The following TXNDC16 variants were observed in gnomAD, a reference collection of about 807,000 sequenced individuals.
TXNDC16 encodes thioredoxin domain containing 16.
TXNDC16 carries 74 observed loss-of-function variants against 85.6 expected under a neutral mutation model. That is an observed-to-expected ratio of 0.86 (90% CI 0.72 to 1.05). The LOEUF is 1.05. TXNDC16 is among the 50% of genes least tolerant of loss of function. TXNDC16 has a pLI of 0.00. For synonymous variants in TXNDC16, 335 were observed against 326.5 expected (o/e 1.03, Z -0.28); for missense variants, 959 against 947.0 (o/e 1.01, Z -0.17).
intron 16 of TXNDC16, among the ~76,000 whole-genome samples, chr14:52,468,334 GA>G (rs1357452061): frequency 6.6e-6 from 1 of 151,864 alleles, no homozygotes; most frequent in African/African-American, 2.4e-5. Flanking sequence ...ATTAAAGCAA[GA>G]AAAAATACAG....
intron 16 of TXNDC16, chr14:52,462,997 G>A (rs1472308131): frequency 2.2e-6 from 1 of 455,592 alleles, no homozygotes; most frequent in Non-Finnish European, 4.4e-6. Context: ...AAGAAACAAA[G>A]GGGATAGAAC....
At chr14:52,480,971 A>ATATGTG (rs2036133792) in intron 14 of TXNDC16, among the ~76,000 whole-genome samples, 1 of 93,550 alleles carries the variant, frequency 1.1e-5, no homozygotes, top group African/African-American at 4.5e-5. Flanking sequence ...GTATATATAT[A>ATATGTG]TATGTATATA....
intron 16 of TXNDC16, among the ~76,000 whole-genome samples, chr14:52,466,368 G>A (rs1220404166): frequency 8.3e-6 from 1 of 120,186 alleles, no homozygotes; most frequent in Non-Finnish European, 1.6e-5. Flanking sequence ...ACTCCAACCC[G>A]GATGACAGAA....
intron 14 of TXNDC16, among the ~76,000 whole-genome samples, chr14:52,475,128 C>T (rs191806012): frequency 2.0e-5 from 3 of 152,230 alleles, no homozygotes; most frequent in East Asian, 3.9e-4. Context: ...TGAGCGAAAG[C>T]GAAATACACG....
chr14:52,536,309 T>C (rs2037699337), intron 6 of TXNDC16, among the ~76,000 whole-genome samples: 1 of 152,220 alleles, frequency 6.6e-6, no homozygotes, highest in Non-Finnish European at 1.5e-5. Context: ...ACTTTGATCT[T>C]GGACGTCCCA....
At chr14:52,438,425 G>A (rs1490650322) in intron 20 of TXNDC16, among the ~76,000 whole-genome samples, 1 of 152,164 alleles carries the variant, frequency 6.6e-6, no homozygotes, top group Non-Finnish European at 1.5e-5. Context: ...GCAGCCATCA[G>A]CACAGAGACA....
intron 9 of TXNDC16, among the ~76,000 whole-genome samples, chr14:52,494,382 C>T (rs1346265721): frequency 6.6e-6 from 1 of 152,098 alleles, no homozygotes; most frequent in East Asian, 1.9e-4. Flanking sequence ...TGTGAGAGGG[C>T]CATGTGGCAA....
At chr14:52,462,592 A>G (rs1282348897) in intron 16 of TXNDC16, among the ~76,000 whole-genome samples, 1 of 152,214 alleles carries the variant, frequency 6.6e-6, no homozygotes, top group East Asian at 1.9e-4. Flanking sequence ...AAATGCTGGG[A>G]TTATAGGCAT....
intron 9 of TXNDC16, among the ~76,000 whole-genome samples, chr14:52,502,567 A>C (rs2036684069): frequency 6.6e-6 from 1 of 152,222 alleles, no homozygotes. Flanking sequence ...TTGGTTTTTT[A>C]ATTTCAAAAC....
chr14:52,532,567 G>C (rs1032090216), intron 6 of TXNDC16, among the ~76,000 whole-genome samples: 3 of 151,934 alleles, frequency 2.0e-5, no homozygotes, highest in Admixed American at 6.6e-5. Context: ...CTTCCGAGTA[G>C]CTGGGACTAC....
intron 6 of TXNDC16, among the ~76,000 whole-genome samples, chr14:52,524,930 G>A (rs563394154): frequency 4.0e-5 from 6 of 151,860 alleles, no homozygotes; most frequent in Non-Finnish European, 8.8e-5. Context: ...AGACCAGCCT[G>A]GCCAACATGG....
chr14:52,494,521 G>A (rs1413087280), intron 9 of TXNDC16, among the ~76,000 whole-genome samples: 2 of 152,106 alleles, frequency 1.3e-5, no homozygotes, highest in Non-Finnish European at 2.9e-5. Context: ...GAAATACCCT[G>A]AAGGAGTAAA....
intron 9 of TXNDC16, among the ~76,000 whole-genome samples, chr14:52,510,339 T>C (rs1263443753): frequency 6.6e-6 from 1 of 152,246 alleles, no homozygotes; most frequent in East Asian, 1.9e-4. Flanking sequence ...ACAATATTCC[T>C]TAAGGAGCCC....
At chr14:52,507,279 CAG>C (rs2036834271) in intron 9 of TXNDC16, among the ~76,000 whole-genome samples, 1 of 152,098 alleles carries the variant, frequency 6.6e-6, no homozygotes, top group Non-Finnish European at 1.5e-5. Context: ...GACAGACAAA[CAG>C]AGAGCCAAAT....
intron 9 of TXNDC16, among the ~76,000 whole-genome samples, chr14:52,498,980 A>G (rs1215923531): frequency 6.6e-6 from 1 of 152,190 alleles, no homozygotes; most frequent in East Asian, 1.9e-4. Flanking sequence ...AGACACATAG[A>G]CCAATGGAAC....
At chr14:52,437,249 G>A (rs1446183970) in intron 20 of TXNDC16, among the ~76,000 whole-genome samples, 2 of 152,014 alleles carry the variant, frequency 1.3e-5, no homozygotes, top group Non-Finnish European at 2.9e-5. Context: ...AAATCAGAAA[G>A]GAAGTTAAAT....
intron 9 of TXNDC16, among the ~76,000 whole-genome samples, chr14:52,505,788 G>GT (rs1412870770): frequency 1.3e-5 from 2 of 152,078 alleles, no homozygotes; most frequent in Non-Finnish European, 2.9e-5. Context: ...CCAGGAGCTG[G>GT]TTTTTTGAAA....
intron 4 of TXNDC16, among the ~76,000 whole-genome samples, chr14:52,538,163 G>A (rs994514155): frequency 6.6e-6 from 1 of 152,220 alleles, no homozygotes; most frequent in Non-Finnish European, 1.5e-5. Context: ...GTTTGGAGGA[G>A]TCACTGGGCT....
At chr14:52,465,464 C>T (rs753670459) in intron 16 of TXNDC16, among the ~76,000 whole-genome samples, 53 of 151,836 alleles carry the variant, frequency 3.5e-4, no homozygotes, top group Admixed American at 1.1e-3. Context: ...TGGTGGCGGG[C>T]GCCTGTAGTC....
Sources: allele counts gnomAD v4.1 joint callset (sites outside exome capture counted in the v4.1 genomes callset), GRCh38; gene constraint gnomAD v4.1.1; transcripts MANE v1.5; gene names NCBI Gene and HGNC (gene_info 2026-07-23, HGNC 2026-07-21).